PSMD6: variants seen among roughly 807,000 people sequenced by gnomAD.
PSMD6 encodes the protein 26S proteasome non-ATPase regulatory subunit 6.
Under a neutral mutation model 44.9 loss-of-function variants are expected in PSMD6, and 7 were observed. The ratio of observed to expected loss-of-function variants is 0.16; its 90% CI spans 0.09 to 0.29. PSMD6 has a LOEUF of 0.29. Ranked by LOEUF, PSMD6 falls within the 10% of genes least tolerant of loss-of-function variation. The probability of loss-of-function intolerance (pLI) is 1.00; values close to 1 mark genes in which losing one functional copy is unlikely to be tolerated. For synonymous variants in PSMD6, 184 were observed against 172.7 expected (o/e 1.07, Z -0.51); for missense variants, 420 against 482.6 (o/e 0.87, Z 1.21).
At position 64,010,964 on chromosome 3, in the gene PSMD6, G is replaced by C; in HGVS notation, c.996-9C>G. The C allele has an allele frequency of 6.4e-7, 1 of 1,574,208 alleles. No homozygotes were observed. Among genetic ancestry groups the C allele is most frequent in the Non-Finnish European group, 8.6e-7 (1 of 1,157,402 alleles). ...TAAACCTGGACAGTTCCCTAATTTAGAGACAAAAAATAACAGAATTAGCTT... is the reference window on the plus strand; with the variant it reads ...TAAACCTGGACAGTTCCCTAATTTACAGACAAAAAATAACAGAATTAGCTT... On this transcript the variant is annotated splice_polypyrimidine_tract_variant and intron_variant, in intron 6 of 7. Coordinates refer to ENST00000295901, the MANE Select transcript of PSMD6 (RefSeq NM_014814.3).
chr3:64,023,742 G>C, upstream of PSMD6: 5 of 1,481,406 alleles, frequency 3.4e-6, no homozygotes. Flanking sequence ...GTTTGTAACT[G>C]ATGGGAGCTT....
At position 64,021,726 on chromosome 3, in the gene PSMD6, G is replaced by A. The variant is rs185988988; in HGVS notation, c.351+592C>T. The stretch of plus-strand genomic sequence containing the variant: ...CTCGGGAGGCTGAGGGAGGAGAATC[G>A]ATTGAACCCAGCAGGTGGAGGTTGC... On this transcript the variant is annotated intron_variant, in intron 2 of 7. Transcript: ENST00000295901. Among the ~76,000 whole-genome samples, 9 of 151,452 alleles carry A rather than the reference G, an allele frequency of 5.9e-5. No homozygotes were observed. In the East Asian group the frequency reaches 1.8e-3, roughly 30 times the overall value.
intron 2 of PSMD6, among the ~76,000 whole-genome samples, chr3:64,021,536 C>T (rs964498100): frequency 6.6e-6 from 1 of 152,140 alleles, no homozygotes; most frequent in African/African-American, 2.4e-5. Context: ...TGACCGGGTG[C>T]ACTGGCTCAC....
At position 64,023,421 on chromosome 3, in the gene PSMD6, G is replaced by A; in HGVS notation, c.-2C>T. The A allele has an allele frequency of 1.3e-6, 2 of 1,596,786 alleles. No homozygotes were observed. Among genetic ancestry groups the A allele is most frequent in the Non-Finnish European group, 1.7e-6 (2 of 1,168,956 alleles). The stretch of plus-strand genomic sequence containing the variant: ...CTCCTCCAGGTTCTCCAGCGGCATC[G>A]CGGCGAAGGGGACAGCGGCTGACAG... On this transcript the variant is annotated 5_prime_UTR_variant, in exon 1 of 8. Coordinates refer to ENST00000295901, the MANE Select transcript of PSMD6 (RefSeq NM_014814.3).
chr3:64,022,658 G>A, intron 1 of PSMD6, 135 bp from the exon 2 acceptor site: 1 of 1,547,226 alleles, frequency 6.5e-7, no homozygotes, highest in South Asian at 1.2e-5. Context: ...GGCATGCGAT[G>A]GCGCTTAATA....
Position 64,023,361 on chromosome 3 carries a change from G to A in PSMD6, c.59C>T (p.Ala20Val). The A allele has an allele frequency of 6.2e-7, 1 of 1,611,934 alleles. No homozygotes were observed. The highest frequency in any genetic ancestry group is 8.5e-7 in the Non-Finnish European group (1 of 1,178,978). The change falls in exon 1 of 8, where the codon GCG (alanine) becomes GTG (valine). Residue 20 changes from alanine (A) to valine (V), a missense_variant. Ala to Val is a moderately conservative substitution (Grantham distance 64). Coordinates refer to ENST00000295901, the MANE Select transcript of PSMD6 (RefSeq NM_014814.3). ...GLPKNPDLRI[A>V]QLRFLLSLPE... ...CAGGCTGAGCAGGAAGCGCAGCTGC[G>A]CGATACGCAAGTCGGGGTTCTTGGG...
intron 5 of PSMD6, chr3:64,015,579 T>C (rs1022184314): frequency 1.3e-5 from 2 of 152,204 alleles, no homozygotes; most frequent in African/African-American, 2.4e-5. Flanking sequence ...ACTGACTAAA[T>C]GACCAACTAT....
At position 64,010,919 on chromosome 3, in the gene PSMD6, G is replaced by A; in HGVS notation, c.1032C>T (p.His344=). 6.2e-7 allele frequency: 1 copy of A among 1,610,914 alleles called. No homozygotes were observed. The highest frequency in any genetic ancestry group is 8.5e-7 in the Non-Finnish European group (1 of 1,178,048). Reference sequence around the variant, plus strand: ...TTTCATTCACTTTATCTATTTTGCAGTGTAGTCTCCCGGCAGCAATAAACC... The same window carrying A: ...TTTCATTCACTTTATCTATTTTGCAATGTAGTCTCCCGGCAGCAATAAACC... ...LSRFIAAGRL[H]CKIDKVNEIV... The change falls in exon 7 of 8, where the codon CAC becomes CAT. Residue 344 remains histidine (H), a synonymous_variant. Coordinates refer to ENST00000295901, the MANE Select transcript of PSMD6 (RefSeq NM_014814.3).
intron 3 of PSMD6, 35 bp from the exon 4 acceptor site, chr3:64,019,072 AACAG>A (rs2076091462): frequency 1.9e-6 from 3 of 1,546,846 alleles, no homozygotes; most frequent in Non-Finnish European, 2.7e-6. Flanking sequence ...ATAGTCTGGA[AACAG>A]ACAAGGCCAC....
chr3:64,019,121 A>G, intron 3 of PSMD6, 84 bp from the exon 4 acceptor site: 3 of 1,407,230 alleles, frequency 2.1e-6, no homozygotes, highest in Non-Finnish European at 2.9e-6. Context: ...GAAATGAGAA[A>G]ACAACTTTTA....
At chr3:64,017,904 G>C (rs1052061109) in intron 5 of PSMD6, among the ~76,000 whole-genome samples, 1 of 152,156 alleles carries the variant, frequency 6.6e-6, no homozygotes, top group Non-Finnish European at 1.5e-5. Context: ...GATGCAAGCT[G>C]ATTCTTCTAT....
At position 64,022,859 on chromosome 3, in the gene PSMD6, A is replaced by T. The variant is rs17069702; in HGVS notation, c.146-336T>A. 13,900 of 1,528,132 alleles carry T rather than the reference A, an allele frequency of 9.1e-3. 915 individuals are homozygous for T. The African/African-American group carries it at 0.15, about 17-fold the overall frequency. The allele number at this position is 1,528,132 out of a possible 1,614,324, so 94.7% of individuals were successfully genotyped here. The stretch of plus-strand genomic sequence containing the variant: ...TACTCACATACATATGTTCAAACAT[A>T]CACATTCACTACAGAAGGGCCAGAA... On this transcript the variant is annotated intron_variant, in intron 1 of 7. Coordinates refer to ENST00000295901, the MANE Select transcript of PSMD6 (RefSeq NM_014814.3).
At position 64,018,696 on chromosome 3, in the gene PSMD6, T is replaced by G; in HGVS notation, c.729A>C (p.Gly243=). 3 of 1,596,030 alleles carry G rather than the reference T, an allele frequency of 1.9e-6. No individual in the cohort carries two copies. Among genetic ancestry groups the G allele is most frequent in the South Asian group, 1.1e-5 (1 of 90,100 alleles). ...RPDLREKVIK[G]AEILEVLHSL... is the part of the protein sequence containing the mutation. ...TGTGCAACACTTCAAGAATCTCTGCTCCTTTAATGACCTAGGTATTTTAAA... is the reference window on the plus strand; with the variant it reads ...TGTGCAACACTTCAAGAATCTCTGCGCCTTTAATGACCTAGGTATTTTAAA... Residue 243 remains glycine (G), a synonymous_variant, in exon 5 of 8, where the codon GGA becomes GGC. Coordinates refer to ENST00000295901, the MANE Select transcript of PSMD6 (RefSeq NM_014814.3).
Position 64,022,496 on chromosome 3 carries a change from C to T in PSMD6, c.173G>A (p.Cys58Tyr). Residue 58 changes from cysteine (C) to tyrosine (Y), a missense_variant, in exon 2 of 8, where the codon TGC becomes TAC. Cys to Tyr is a radical substitution (Grantham distance 194). This residue lies in a region of PSMD6 where 136 missense variants were observed against 124.2 expected (regional missense o/e 1.09). Transcript: ENST00000295901. ...NNMAPYYEAL[C>Y]KSLDWQIDVD... ...GTCTATCTGCCAGTCGAGGGATTTGCACAAGGCTTCATAGTAAGGAGCCAT... is the reference window on the plus strand; with the variant it reads ...GTCTATCTGCCAGTCGAGGGATTTGTACAAGGCTTCATAGTAAGGAGCCAT... 6.2e-7 allele frequency: 1 copy of T among 1,613,962 alleles called. No individual in the cohort carries two copies. The highest frequency in any genetic ancestry group is 8.5e-7 in the Non-Finnish European group (1 of 1,179,836).
At chr3:64,010,981 A>C in intron 6 of PSMD6, 26 bp from the exon 7 acceptor site, 3 of 1,530,360 alleles carry the variant, frequency 2.0e-6, no homozygotes, top group Non-Finnish European at 2.7e-6. Context: ...AAAATAACAG[A>C]ATTAGCTTTA....
Position 64,023,446 on chromosome 3 carries a change from G to A in PSMD6, c.-27C>T, listed in dbSNP as rs748285062. 9 of 1,569,518 alleles carry A rather than the reference G, an allele frequency of 5.7e-6. No homozygotes were observed. Among genetic ancestry groups the A allele is most frequent in the Admixed American group, 5.2e-5 (3 of 57,194 alleles). On this transcript the variant is annotated 5_prime_UTR_variant, in exon 1 of 8. Coordinates refer to ENST00000295901, the MANE Select transcript of PSMD6 (RefSeq NM_014814.3). Reference sequence around the variant, plus strand: ...GCGGCGAAGGGGACAGCGGCTGACAGGACACAACTTGGTTACGACCGGCTG... The same window carrying A: ...GCGGCGAAGGGGACAGCGGCTGACAAGACACAACTTGGTTACGACCGGCTG...
chr3:64,010,829 C>A (rs1221520916), intron 7 of PSMD6, 49 bp downstream of exon 7: 8 of 1,576,200 alleles, frequency 5.1e-6, no homozygotes, highest in Non-Finnish European at 7.0e-6. Flanking sequence ...CAATAGTTGA[C>A]CTACTTTTAA....
intron 1 of PSMD6, 123 bp downstream of exon 1, chr3:64,023,152 G>C (rs2076160231): frequency 7.0e-7 from 1 of 1,427,256 alleles, no homozygotes; most frequent in East Asian, 2.6e-5. Context: ...GGAGAAGCCA[G>C]GCCTGGTCTC....
chr3:64,018,029 G>A (rs1016335045), intron 5 of PSMD6, among the ~76,000 whole-genome samples: 3 of 152,150 alleles, frequency 2.0e-5, no homozygotes, highest in Non-Finnish European at 4.4e-5. Context: ...TAGCTTTGAA[G>A]GAATACAATT....
Sources: gnomAD v4.1 joint callset for allele counts (sites outside exome capture counted in the v4.1 genomes callset) on GRCh38, gnomAD v4.1.1 for gene constraint, gnomAD v4.1.1 regional missense constraint, MANE v1.5 for transcripts, NCBI Gene and HGNC (gene_info 2026-07-23, HGNC 2026-07-21) for gene names.